The following RASAL3 variants were observed in gnomAD, a reference collection of about 807,000 sequenced individuals.
The protein encoded by RASAL3 is RAS protein activator like 3, also known as RAS protein activator like-3.
Under a neutral mutation model 105.5 loss-of-function variants are expected in RASAL3, and 74 were observed. The observed-to-expected ratio is 0.70, with a 90% CI of 0.58 to 0.85. The LOEUF (loss-of-function observed/expected upper bound fraction) is 0.85. Among genes scored for constraint, RASAL3 ranks in the 40% least tolerant of loss-of-function variants. RASAL3 has a pLI of 0.00. For missense variants in RASAL3, 1,352 were observed against 1,392.0 expected (o/e 0.97, Z 0.46); for synonymous variants, 579 against 591.6 (o/e 0.98, Z 0.31).
Position 15,451,804 on chromosome 19 carries a change from G to T in RASAL3, c.3027C>A (p.Asp1009Glu), listed in dbSNP as rs780650141. The T allele has an allele frequency of 1.3e-5, 21 of 1,596,108 alleles. No homozygotes were observed. The highest frequency in any genetic ancestry group is 2.1e-4 in the Middle Eastern group (1 of 4,678). ...AGGCAGGATGGGCAGCTCAGGTGGT[G>T]TCTCCATTGAGGCAGGGTGCTTTGA... ...QPLKAPCLNG[D>E]TT Residue 1009 changes from aspartate (D) to glutamate (E), a missense_variant, in exon 18 of 18, where the codon GAC (aspartate) becomes GAA (glutamate). Transcript: ENST00000343625.
At position 15,461,204 on chromosome 19, in the gene RASAL3, C is replaced by G. The variant is rs756739474; in HGVS notation, c.544+14G>C. ...CTCCCAAATGCCCCAGGCCTTTCCA[C>G]CCCTCAAGCTTACCTGGATCCCTGA... On this transcript the variant is annotated intron_variant, in intron 4 of 17. Coordinates refer to ENST00000343625, the MANE Select transcript of RASAL3 (RefSeq NM_022904.3). The G allele has an allele frequency of 6.2e-7, 1 of 1,613,820 alleles. No individual in the cohort carries two copies. Among genetic ancestry groups the G allele is most frequent in the Admixed American group, 1.7e-5 (1 of 60,020 alleles).
chr19:15,456,163 G>C lies in RASAL3; in HGVS notation c.1662C>G (p.His554Gln), dbSNP rs1439410121. 8 of 1,613,826 alleles carry C rather than the reference G, an allele frequency of 5.0e-6. No individual in the cohort carries two copies. Among genetic ancestry groups the C allele is most frequent in the African/African-American group, 1.3e-5 (1 of 75,002 alleles). ...CGCAGCTGTTCCGAAGTCTGGCCTGGTGCTCTGGCAGCTCCGAGGCTGGAC... is the reference window on the plus strand; with the variant it reads ...CGCAGCTGTTCCGAAGTCTGGCCTGCTGCTCTGGCAGCTCCGAGGCTGGAC... ...SKCPASELPE[H>Q]QARLRNSCEE... Residue 554 changes from histidine to glutamine, a missense_variant, in exon 11 of 18, where the codon CAC becomes CAG. This residue lies in a region of RASAL3 where 920 missense variants were observed against 919.6 expected (regional missense o/e 1.00). Coordinates refer to ENST00000343625, the MANE Select transcript of RASAL3 (RefSeq NM_022904.3). The surrounding 1 kb of genome is among the most constrained non-coding windows in gnomAD (Gnocchi z 4.4).
rs1013310706 is a variant in RASAL3 at position 15,452,118 on chromosome 19, T to A, written c.2829-10A>T. ...ATCAAACTCTGAGCTCCTGTGGGGG[T>A]CGGGGGATTGGGGCGAAGGGCAGAG... On this transcript the variant is annotated splice_polypyrimidine_tract_variant and intron_variant, in intron 16 of 17. Transcript: ENST00000343625. 1 of 1,613,528 alleles carries A rather than the reference T, an allele frequency of 6.2e-7. No individual in the cohort carries two copies. Among genetic ancestry groups the A allele is most frequent in the Admixed American group, 1.7e-5 (1 of 59,992 alleles).
Position 15,451,713 on chromosome 19 carries a change from G to T in RASAL3, c.*82C>A. 3.4e-6 allele frequency: 5 copies of T among 1,491,380 alleles called. No individual in the cohort carries two copies. The Admixed American group carries it at 7.9e-5, about 24-fold the overall frequency. The allele number at this position is 1,491,380 out of a possible 1,614,324, so 92.4% of individuals were successfully genotyped here. The stretch of plus-strand genomic sequence containing the variant: ...CCACTCCCCACTGTAGGCCAAGTAG[G>T]GCTAAGGCAAAGTCAGACACCCCCC... On this transcript the variant is annotated 3_prime_UTR_variant, in exon 18 of 18. Transcript: ENST00000343625.
intron 17 of RASAL3, 32 bp from the exon 18 acceptor site, chr19:15,451,970 C>T (rs1425121013): frequency 6.2e-7 from 1 of 1,612,660 alleles, no homozygotes; most frequent in South Asian, 1.1e-5. Flanking sequence ...GGTTCAGAAA[C>T]CAGGAGAGGG....
In RASAL3 at chr19:15,453,493, A is replaced by G; in HGVS notation, c.2284T>C (p.Ser762Pro). The G allele has an allele frequency of 6.6e-7, 1 of 1,524,770 alleles. No individual in the cohort carries two copies. The allele number at this position is 1,524,770 out of a possible 1,614,324, so 94.5% of individuals were successfully genotyped here. ...LPPAQVHSSL[S>P]AGEKPGFLAP... ...AGGAAGCCGGGCTTCTCCCCTGCGGAGAGGCTAGGGGTGGGATGGAGGATC... is the reference window on the plus strand; with the variant it reads ...AGGAAGCCGGGCTTCTCCCCTGCGGGGAGGCTAGGGGTGGGATGGAGGATC... The change falls in exon 15 of 18, where the codon TCC becomes CCC. Residue 762 changes from serine (S) to proline (P), a missense_variant. Ser to Pro is a moderately conservative substitution (Grantham distance 74, BLOSUM62 -1). This residue lies in a region of RASAL3 where 920 missense variants were observed against 919.6 expected (regional missense o/e 1.00). Transcript: ENST00000343625. The surrounding 1 kb of genome is among the most constrained non-coding windows in gnomAD (Gnocchi z 4.2).
chr19:15,451,698 C>A lies in RASAL3; in HGVS notation c.*97G>T. On this transcript the variant is annotated 3_prime_UTR_variant, in exon 18 of 18. Coordinates refer to ENST00000343625, the MANE Select transcript of RASAL3 (RefSeq NM_022904.3). ...TTGGGACCAGCAGCTCCACTCCCCA[C>A]TGTAGGCCAAGTAGGGCTAAGGCAA... The A allele has an allele frequency of 7.1e-7, 1 of 1,403,062 alleles. No individual in the cohort carries two copies. Among genetic ancestry groups the A allele is most frequent in the Non-Finnish European group, 9.7e-7 (1 of 1,030,406 alleles). 86.9% of individuals were successfully genotyped at this position (1,403,062 alleles called of 1,614,324 possible).
intron 8 of RASAL3, 23 bp downstream of exon 8, chr19:15,458,305 C>A: frequency 1.2e-6 from 2 of 1,607,068 alleles, no homozygotes; most frequent in Non-Finnish European, 8.5e-7. Flanking sequence ...GTCTCCGTGT[C>A]CCGCTTTTCT....
At chr19:15,462,188 A>G (rs1233008522) in intron 2 of RASAL3, among the ~76,000 whole-genome samples, 1 of 152,000 alleles carries the variant, frequency 6.6e-6, no homozygotes, top group Admixed American at 6.6e-5. Flanking sequence ...CCCTGTCTTT[A>G]AAAAATAGCC....
At position 15,458,653 on chromosome 19, in the gene RASAL3, G is replaced by C. The variant is rs1380433340; in HGVS notation, c.665C>G (p.Pro222Arg). Residue 222 changes from proline (P) to arginine (R), a missense_variant and splice_region_variant, in exon 7 of 18, where the codon CCC becomes CGC. Transcript: ENST00000343625. ...CTCCCTAGAGCCCAGAGCACTGGGG[G>C]GTCTGGGAAGGGGGTGGGTGAGCAC... is the stretch of plus-strand genomic sequence containing the variant. ...KKARLEPRDG[P>R]PSALGSRESL... is the part of the protein sequence containing the mutation. The C allele has an allele frequency of 6.2e-7, 1 of 1,612,684 alleles. No individual in the cohort carries two copies. The highest frequency in any genetic ancestry group is 8.5e-7 in the Non-Finnish European group (1 of 1,179,458).
intron 2 of RASAL3, among the ~76,000 whole-genome samples, chr19:15,463,171 C>T (rs950742873): frequency 3.3e-5 from 5 of 151,688 alleles, no homozygotes; most frequent in African/African-American, 9.7e-5. Flanking sequence ...CTGCAACCTC[C>T]ACCTCCCGGG....
At chr19:15,459,727 G>T (rs1970450074) in intron 6 of RASAL3, among the ~76,000 whole-genome samples, 1 of 151,996 alleles carries the variant, frequency 6.6e-6, no homozygotes, top group African/African-American at 2.4e-5. Flanking sequence ...TGTAGAAATG[G>T]GGTCTCACTA....
intron 2 of RASAL3, among the ~76,000 whole-genome samples, chr19:15,461,972 A>T (rs1475453219): frequency 2.6e-5 from 4 of 152,134 alleles, no homozygotes; most frequent in Non-Finnish European, 1.5e-5. Context: ...AGTCACAAGC[A>T]TTCTTCTCTC....
At chr19:15,452,357 C>T in intron 16 of RASAL3, 1 of 594,646 alleles carries the variant, frequency 1.7e-6, no homozygotes, top group Non-Finnish European at 3.0e-6. Context: ...CGTGACTGAG[C>T]TGGAGGGAGT....
Position 15,453,462 on chromosome 19 carries a change from G to C in RASAL3, c.2315C>G (p.Pro772Arg), listed in dbSNP as rs370506034. 128 of 1,545,070 alleles carry C rather than the reference G, an allele frequency of 8.3e-5. No homozygotes were observed. The highest frequency in any genetic ancestry group is 2.0e-4 in the Admixed American group (9 of 45,030). Residue 772 changes from proline to arginine, a missense_variant, in exon 15 of 18, where the codon CCC becomes CGC. Physicochemically the swap from Pro to Arg is moderately radical, Grantham distance 103. This residue lies in a region of RASAL3 where 920 missense variants were observed against 919.6 expected (regional missense o/e 1.00). Coordinates refer to ENST00000343625, the MANE Select transcript of RASAL3 (RefSeq NM_022904.3). This position sits in a 1 kb window ranked among gnomAD's most constrained non-coding sequence, Gnocchi z 4.2. ...AGGGGTGTGCTTGGGGAGGTCCCGG[G>C]GGGCCAGGAAGCCGGGCTTCTCCCC... ...SAGEKPGFLA[P>R]RDLPKHTPLI... is the part of the protein sequence containing the mutation.
Position 15,453,338 on chromosome 19 carries a change from C to G in RASAL3, c.2439G>C (p.Pro813=), listed in dbSNP as rs1049464034. The G allele has an allele frequency of 7.0e-7, 1 of 1,422,782 alleles. No homozygotes were observed. Among genetic ancestry groups the G allele is most frequent in the Non-Finnish European group, 9.1e-7 (1 of 1,095,808 alleles). 88.1% of individuals were successfully genotyped at this position (1,422,782 alleles called of 1,614,324 possible). Reference sequence around the variant, plus strand: ...CCGGGACACTCTGCGTGCGCTGCACCGGCCGGGGCCGCCGCAGGGGCCGCT... The same window carrying G: ...CCGGGACACTCTGCGTGCGCTGCACGGGCCGGGGCCGCCGCAGGGGCCGCT... ...DEERPLRRPR[P]VQRTQSVPVR... is the part of the protein sequence containing the mutation. Residue 813 remains proline (P), a synonymous_variant, in exon 15 of 18, where the codon CCG becomes CCC. Coordinates refer to ENST00000343625, the MANE Select transcript of RASAL3 (RefSeq NM_022904.3). The surrounding 1 kb of genome is among the most constrained non-coding windows in gnomAD (Gnocchi z 4.2).
rs1470763236 is a variant in RASAL3 at position 15,464,219 on chromosome 19, C to T, written c.140G>A (p.Gly47Asp). The T allele has an allele frequency of 2.5e-6, 4 of 1,609,490 alleles. No individual in the cohort carries two copies. Among genetic ancestry groups the T allele is most frequent in the East Asian group, 2.2e-5 (1 of 44,706 alleles). Residue 47 changes from glycine (G) to aspartate (D), a missense_variant, in exon 2 of 18, where the codon GGC (glycine) becomes GAC (aspartate). Transcript: ENST00000343625. ...GGGCTCCTGGTGGCTCAGGGCCCTG[C>T]CCCAGCCAGCAAAGCGGCCCCAGCG... is the stretch of plus-strand genomic sequence containing the variant. ...GFRWGRFAGW[G>D]RALSHQEPMV...
In RASAL3 at chr19:15,458,033, G is replaced by C. The variant is rs1242532230; in HGVS notation, c.889-199C>G. ...CTTCTAGCTTTTCTGGGCTCTCCGG[G>C]AGAGTTGGGGGCTCCAGGGCATACA... is the stretch of plus-strand genomic sequence containing the variant. On this transcript the variant is annotated intron_variant, in intron 8 of 17. Coordinates refer to ENST00000343625, the MANE Select transcript of RASAL3 (RefSeq NM_022904.3). The C allele has an allele frequency of 4.5e-6, 3 of 663,134 alleles. No individual in the cohort carries two copies. In the South Asian group the frequency reaches 5.8e-5, roughly 13 times the overall value. The allele number at this position is 663,134 out of a possible 1,614,324, so 41.1% of individuals were successfully genotyped here. A position where few individuals can be genotyped will look rare whatever the true frequency, so the allele number is the denominator to read the frequency against.
Position 15,456,042 on chromosome 19 carries a change from T to TG in RASAL3, c.1721+61dup. ...TGTATTTTATCTGGCCACCCTAAAC[T>TG]GGAGGTCGGGGCTAGCATGGTAAGC... On this transcript the variant is annotated intron_variant, in intron 11 of 17. Coordinates refer to ENST00000343625, the MANE Select transcript of RASAL3 (RefSeq NM_022904.3). The surrounding 1 kb of genome is among the most constrained non-coding windows in gnomAD (Gnocchi z 4.4). The TG allele has an allele frequency of 1.3e-6, 2 of 1,567,954 alleles. No individual in the cohort carries two copies. The highest frequency in any genetic ancestry group is 1.7e-6 in the Non-Finnish European group (2 of 1,149,262).
Sources: allele counts gnomAD v4.1 joint callset (sites outside exome capture counted in the v4.1 genomes callset), GRCh38; gene constraint gnomAD v4.1.1; regional missense constraint gnomAD v4.1.1; non-coding constraint Gnocchi (gnomAD v3.1); transcripts MANE v1.5; gene names NCBI Gene and HGNC (gene_info 2026-07-23, HGNC 2026-07-21).